The following GALNT10 variants were observed in gnomAD, a reference collection of about 807,000 sequenced individuals.
GALNT10 encodes polypeptide N-acetylgalactosaminyltransferase 10.
GALNT10 carries 41 observed loss-of-function variants against 75.0 expected under a neutral mutation model. The observed-to-expected ratio is 0.55, with a 90% CI of 0.43 to 0.71. The LOEUF (loss-of-function observed/expected upper bound fraction) is 0.71, where lower values mean the gene tolerates loss of function less well. GALNT10 is among the 30% of genes least tolerant of loss of function. GALNT10 has a pLI of 0.00. For synonymous variants in GALNT10, 302 were observed against 313.0 expected, an observed-to-expected ratio of 0.96 and a Z score of 0.37; for missense variants, 727 against 818.5, an observed-to-expected ratio of 0.89 and a Z score of 1.36.
intron 1 of GALNT10, among the ~76,000 whole-genome samples, chr5:154,252,107 A>G (rs933644435): frequency 6.6e-6 from 1 of 152,140 alleles, no homozygotes. Context: ...CAGAATAGCA[A>G]TACTAATGCT....
At chr5:154,377,393 A>G (rs1159105695) in intron 5 of GALNT10, among the ~76,000 whole-genome samples, 1 of 152,246 alleles carries the variant, frequency 6.6e-6, no homozygotes, top group Non-Finnish European at 1.5e-5. Context: ...TAAGCTCTGC[A>G]CTACAGAATG....
intron 7 of GALNT10, among the ~76,000 whole-genome samples, chr5:154,398,636 A>G (rs959156226): frequency 6.6e-6 from 1 of 152,170 alleles, no homozygotes; most frequent in Non-Finnish European, 1.5e-5. Context: ...TGAACTAATC[A>G]AGACATGAAG....
chr5:154,240,527 A>C (rs1207066290), intron 1 of GALNT10, among the ~76,000 whole-genome samples: 1 of 152,218 alleles, frequency 6.6e-6, no homozygotes, highest in African/African-American at 2.4e-5. Context: ...ACTTAAGGAC[A>C]TGGATCATTT....
chr5:154,321,813 TG>T (rs1754679813), intron 3 of GALNT10, among the ~76,000 whole-genome samples: 1 of 152,154 alleles, frequency 6.6e-6, no homozygotes, highest in Non-Finnish European at 1.5e-5. Context: ...AGACAGCACC[TG>T]CCCCCTAGAG....
At chr5:154,253,239 G>A (rs1481964544) in intron 1 of GALNT10, among the ~76,000 whole-genome samples, 3 of 151,720 alleles carry the variant, frequency 2.0e-5, no homozygotes, top group Non-Finnish European at 4.4e-5. Flanking sequence ...AAAGTCCTTT[G>A]TAGGGACATG....
intron 1 of GALNT10, among the ~76,000 whole-genome samples, chr5:154,246,463 A>G: frequency 6.6e-6 from 1 of 152,214 alleles, no homozygotes; most frequent in Non-Finnish European, 1.5e-5. Context: ...CATCCTCTCC[A>G]GCACCTGTTG....
chr5:154,351,471 G>A (rs536066093), intron 4 of GALNT10, among the ~76,000 whole-genome samples: 28 of 152,148 alleles, frequency 1.8e-4, no homozygotes, highest in Non-Finnish European at 4.0e-4. Context: ...TTTACTGCTT[G>A]CTTTTATGTG....
intron 2 of GALNT10, among the ~76,000 whole-genome samples, chr5:154,296,446 G>C (rs1043429236): frequency 6.6e-6 from 1 of 152,126 alleles, no homozygotes; most frequent in African/African-American, 2.4e-5. Context: ...TGATTTGCCA[G>C]ACATACTAGA....
At chr5:154,306,963 C>T (rs1754444070) in intron 3 of GALNT10, among the ~76,000 whole-genome samples, 1 of 152,090 alleles carries the variant, frequency 6.6e-6, no homozygotes, top group Non-Finnish European at 1.5e-5. Flanking sequence ...AAACATTTAC[C>T]ACTTTGAAAT....
chr5:154,269,386 C>CA (rs2113034266), intron 1 of GALNT10, among the ~76,000 whole-genome samples: 1 of 152,244 alleles, frequency 6.6e-6, no homozygotes, highest in African/African-American at 2.4e-5. Flanking sequence ...AAAATACACA[C>CA]AAAAAAGTCC....
intron 1 of GALNT10, chr5:154,219,952 A>G (rs918745316): frequency 1.3e-5 from 2 of 152,176 alleles, no homozygotes; most frequent in African/African-American, 4.8e-5. Flanking sequence ...TAGACCTTCA[A>G]GAAAACCATG....
chr5:154,226,980 C>T (rs1330267079), intron 1 of GALNT10, among the ~76,000 whole-genome samples: 2 of 151,768 alleles, frequency 1.3e-5, no homozygotes. Flanking sequence ...TTTTCAGTGA[C>T]CATGATTATT....
chr5:154,217,524 C>T (rs139794052), intron 1 of GALNT10, among the ~76,000 whole-genome samples: 16 of 152,220 alleles, frequency 1.1e-4, no homozygotes, highest in East Asian at 1.9e-4. Flanking sequence ...TCTTTAGTAC[C>T]GCGTCCCTGT....
At chr5:154,294,572 T>G (rs1430070894) in intron 1 of GALNT10, among the ~76,000 whole-genome samples, 1 of 152,152 alleles carries the variant, frequency 6.6e-6, no homozygotes, top group Non-Finnish European at 1.5e-5. Flanking sequence ...GTTCATCTTT[T>G]TTCTCCACCA....
intron 1 of GALNT10, among the ~76,000 whole-genome samples, chr5:154,247,764 A>G (rs1374751338): frequency 6.6e-6 from 1 of 152,162 alleles, no homozygotes; most frequent in East Asian, 1.9e-4. Context: ...GCAAAAAGGG[A>G]CAATTTGACT....
chr5:154,278,841 T>G (rs1753993166), intron 1 of GALNT10, among the ~76,000 whole-genome samples: 1 of 152,228 alleles, frequency 6.6e-6, no homozygotes, highest in Non-Finnish European at 1.5e-5. Context: ...CATAATATGG[T>G]CAAGGTCTAT....
chr5:154,303,620 T>G (rs900779593), intron 3 of GALNT10, among the ~76,000 whole-genome samples: 1 of 152,124 alleles, frequency 6.6e-6, no homozygotes, highest in African/African-American at 2.4e-5. Context: ...GTAGAGTACT[T>G]AGAAGAGTTT....
At chr5:154,288,449 C>T (rs1754145924) in intron 1 of GALNT10, among the ~76,000 whole-genome samples, 1 of 135,276 alleles carries the variant, frequency 7.4e-6, no homozygotes, top group African/African-American at 2.8e-5. Flanking sequence ...TGTGTTTGAA[C>T]ACTAATCGAT....
At chr5:154,240,212 T>C (rs950430552) in intron 1 of GALNT10, among the ~76,000 whole-genome samples, 3 of 152,164 alleles carry the variant, frequency 2.0e-5, no homozygotes, top group Admixed American at 6.5e-5. Context: ...GACACAAAAA[T>C]AACCCTCAAA....
Sources: allele counts gnomAD v4.1 joint callset (sites outside exome capture counted in the v4.1 genomes callset), GRCh38; gene constraint gnomAD v4.1.1; transcripts MANE v1.5; gene names NCBI Gene and HGNC (gene_info 2026-07-23, HGNC 2026-07-21).